ADGRE1: variants seen among roughly 807,000 people sequenced by gnomAD.
ADGRE1 encodes adhesion G protein-coupled receptor E1.
A neutral mutation model predicts 102.7 loss-of-function variants in ADGRE1; 82 were observed. That is an observed-to-expected ratio of 0.80 (90% confidence interval 0.67 to 0.96). The LOEUF is 0.96. Ranked by LOEUF, ADGRE1 falls within the 40% of genes least tolerant of loss-of-function variation. The probability of loss-of-function intolerance (pLI) is 0.00; values close to 1 mark genes in which losing one functional copy is unlikely to be tolerated. For missense variants in ADGRE1, 1,032 were observed against 1,085.3 expected (o/e 0.95, Z 0.69); for synonymous variants, 398 against 399.6 (o/e 1.00, Z 0.05).
At position 6,906,436 on chromosome 19, in the gene ADGRE1, TTC is replaced by T; in HGVS notation, c.957_958del (p.Phe320GlnfsTer3). ...GTTGCTGTTGTTTTCTTCCTAGGGG[TTC>T]TCTTCAAATGTAAGGAAGATGTGAT... On this transcript the variant is annotated frameshift_variant, in exon 9 of 21. Coordinates refer to ENST00000312053, the MANE Select transcript of ADGRE1 (RefSeq NM_001974.5). LOFTEE classifies it high-confidence loss of function. 1 of 1,611,736 alleles carries T rather than the reference TTC, an allele frequency of 6.2e-7. No individual in the cohort carries two copies. Among genetic ancestry groups the T allele is most frequent in the Non-Finnish European group, 8.5e-7 (1 of 1,178,482 alleles).
intron 1 of ADGRE1, among the ~76,000 whole-genome samples, chr19:6,888,054 T>TAAATAATA (rs1334854046): frequency 8.5e-5 from 13 of 152,198 alleles, no homozygotes; most frequent in Admixed American, 2.0e-4. Context: ...ACAACATTTC[T>TAAATAATA]ATGACATTGG....
rs773145011 is a variant in ADGRE1, at chr19:6,937,540, C to T, written c.2551-4C>T. 1.4e-5 allele frequency: 22 copies of T among 1,612,472 alleles called. No homozygotes were observed. In the African/African-American group the frequency reaches 2.9e-4, roughly 22 times the overall value. ...GCATCTGGATGATGTGTCTCCTTCT[C>T]CAGGTACGAGAAGAATACAAGAGGT... On this transcript the variant is annotated splice_polypyrimidine_tract_variant and splice_region_variant and intron_variant, in intron 19 of 20. Transcript: ENST00000312053.
rs2145043116 is a variant in ADGRE1, at chr19:6,937,560, A to G, written c.2567A>G (p.Lys856Arg). 1 of 1,614,050 alleles carries G rather than the reference A, an allele frequency of 6.2e-7. No homozygotes were observed. The highest frequency in any genetic ancestry group is 1.1e-5 in the South Asian group (1 of 91,066). The change falls in exon 20 of 21, where the codon AAG becomes AGG. Residue 856 changes from lysine to arginine, a missense_variant. By Grantham distance (26) the Lys-to-Arg change is conservative. Transcript: ENST00000312053. ...LLNGQVREEY[K>R]RWITGKTKPS... Reference sequence around the variant, plus strand: ...CTTCTCCAGGTACGAGAAGAATACAAGAGGTGGATCACTGGGAAGACGAAG... The same window carrying G: ...CTTCTCCAGGTACGAGAAGAATACAGGAGGTGGATCACTGGGAAGACGAAG...
Position 6,901,865 on chromosome 19 carries a change from C to T in ADGRE1, c.515-10C>T, listed in dbSNP as rs1414592815. 6.2e-7 allele frequency: 1 copy of T among 1,613,316 alleles called. No homozygotes were observed. The highest frequency in any genetic ancestry group is 2.2e-5 in the East Asian group (1 of 44,870). On this transcript the variant is annotated splice_polypyrimidine_tract_variant and intron_variant, in intron 5 of 20. Transcript: ENST00000312053. Reference sequence around the variant, plus strand: ...TTACCTTGACCTGGGTTTTCTCTTCCACTCTTCAGACGTGGATGAATGTGC... The same window carrying T: ...TTACCTTGACCTGGGTTTTCTCTTCTACTCTTCAGACGTGGATGAATGTGC...
At chr19:6,899,898 C>G (rs1259717732) in intron 5 of ADGRE1, among the ~76,000 whole-genome samples, 3 of 151,678 alleles carry the variant, frequency 2.0e-5, no homozygotes, top group African/African-American at 7.3e-5. Context: ...GGAGACCATC[C>G]TGGCTAACAA....
rs1215915741 is a variant in ADGRE1, at chr19:6,924,721, T to C, written c.1835T>C (p.Ile612Thr). 6.2e-7 allele frequency: 1 copy of C among 1,614,074 alleles called. No individual in the cohort carries two copies. The highest frequency in any genetic ancestry group is 8.5e-7 in the Non-Finnish European group (1 of 1,180,036). Residue 612 changes from isoleucine (I) to threonine (T), a missense_variant, in exon 15 of 21, where the codon ATC (isoleucine) becomes ACC (threonine). Ile to Thr is a moderately conservative substitution (Grantham distance 89). Coordinates refer to ENST00000312053, the MANE Select transcript of ADGRE1 (RefSeq NM_001974.5). ...LYIISHVGIIISLVCLVLAIA... is the reference protein window; with the variant it reads ...LYIISHVGIITSLVCLVLAIA... ...ATCATTAGCCATGTAGGCATTATCA[T>C]CTCCTTGGTGTGCCTCGTCTTGGCC...
In ADGRE1 at chr19:6,906,840, T is replaced by TATGACCCAGCACA. The variant is rs560490543; in HGVS notation, c.1038+331_1038+332insAATGACCCAGCAC. On this transcript the variant is annotated intron_variant, in intron 9 of 20. Coordinates refer to ENST00000312053, the MANE Select transcript of ADGRE1 (RefSeq NM_001974.5). ...AAAGTACGGTCCTTCTCTTTAAGCG[T>TATGACCCAGCACA]ATGACCCAGCACCACTTCTGCTTGC... is the stretch of plus-strand genomic sequence containing the variant. 2.6e-3 allele frequency among the ~76,000 whole-genome samples: 399 copies of TATGACCCAGCACA among 152,234 alleles called. 1 individual carries two copies. Among genetic ancestry groups the TATGACCCAGCACA allele is most frequent in the East Asian group, 4.8e-3 (25 of 5,166 alleles).
intron 2 of ADGRE1, 120 bp downstream of exon 2, chr19:6,890,663 G>T (rs1973335534): frequency 1.9e-6 from 2 of 1,030,206 alleles, no homozygotes; most frequent in Non-Finnish European, 2.9e-6. Context: ...TAGCGGCAGA[G>T]CAAGGGTTAA....
intron 11 of ADGRE1, among the ~76,000 whole-genome samples, chr19:6,915,926 A>AC (rs1668444629): frequency 1.1e-5 from 1 of 88,522 alleles, no homozygotes; most frequent in African/African-American, 4.2e-5. Context: ...GTCTCAAAAA[A>AC]AAAAAAAAAA....
rs926555288 is a variant in ADGRE1, at chr19:6,909,858, C to T, written c.1122+1086C>T. 4.6e-5 allele frequency among the ~76,000 whole-genome samples: 7 copies of T among 152,228 alleles called. No individual in the cohort carries two copies. In the East Asian group the frequency reaches 1.2e-3, roughly 25 times the overall value. On this transcript the variant is annotated intron_variant, in intron 10 of 20. Coordinates refer to ENST00000312053, the MANE Select transcript of ADGRE1 (RefSeq NM_001974.5). Reference sequence around the variant, plus strand: ...CAAGCGATTCTCCTGCCTCAGCCTCCCGAGTAGTTGGGATTACAGGCATGC... The same window carrying T: ...CAAGCGATTCTCCTGCCTCAGCCTCTCGAGTAGTTGGGATTACAGGCATGC...
At position 6,926,452 on chromosome 19, in the gene ADGRE1, C is replaced by A. The variant is rs566135953; in HGVS notation, c.2073C>A (p.Phe691Leu). Residue 691 changes from phenylalanine to leucine, a missense_variant, in exon 16 of 21, where the codon TTC becomes TTA. Physicochemically the swap from Phe to Leu is conservative, Grantham distance 22. Transcript: ENST00000312053. ...FWMLVEAVIL[F>L]LMVRNLKVVN... The stretch of plus-strand genomic sequence containing the variant: ...TGCTGGTGGAGGCTGTGATACTGTT[C>A]TTGATGGTCAGAAACCTGAAGGTGG... The A allele has an allele frequency of 6.2e-7, 1 of 1,614,228 alleles. No homozygotes were observed. Among genetic ancestry groups the A allele is most frequent in the African/African-American group, 1.3e-5 (1 of 75,068 alleles).
intron 15 of ADGRE1, 101 bp downstream of exon 15, chr19:6,924,973 G>T: frequency 7.8e-7 from 1 of 1,283,716 alleles, no homozygotes. Context: ...CCTACCTCAG[G>T]GCCTTTGCAT....
intron 11 of ADGRE1, among the ~76,000 whole-genome samples, chr19:6,915,020 T>TA (rs397763401): frequency 6.6e-6 from 1 of 151,404 alleles, no homozygotes; most frequent in African/African-American, 2.4e-5. Flanking sequence ...GTTTTTTTTT[T>TA]CTTGAGACAG....
intron 20 of ADGRE1, among the ~76,000 whole-genome samples, chr19:6,938,519 A>T (rs1568368716): frequency 1.3e-5 from 2 of 152,054 alleles, no homozygotes; most frequent in Non-Finnish European, 2.9e-5. Flanking sequence ...TCAACAATGT[A>T]TTCCACGCCC....
chr19:6,939,425 G>A (rs1300470416), intron 20 of ADGRE1, among the ~76,000 whole-genome samples: 1 of 152,184 alleles, frequency 6.6e-6, no homozygotes, highest in Non-Finnish European at 1.5e-5. Context: ...GATTTTCCTT[G>A]CAAGAAGTCC....
At chr19:6,938,535 A>G (rs1975532379) in intron 20 of ADGRE1, among the ~76,000 whole-genome samples, 1 of 152,048 alleles carries the variant, frequency 6.6e-6, no homozygotes, top group Non-Finnish European at 1.5e-5. Flanking sequence ...CGCCCCTAAA[A>G]TGCTGTCTAG....
chr19:6,889,754 A>G (rs1002179185), intron 1 of ADGRE1, among the ~76,000 whole-genome samples: 3 of 151,484 alleles, frequency 2.0e-5, no homozygotes, highest in African/African-American at 7.3e-5. Flanking sequence ...AAATGTTAAT[A>G]CTACAGATAT....
At chr19:6,897,745 C>T in intron 5 of ADGRE1, 198 bp downstream of exon 5, 1 of 437,094 alleles carries the variant, frequency 2.3e-6, no homozygotes, top group Non-Finnish European at 3.7e-6. Context: ...CTAGGTAGGT[C>T]TCTTGTAGCC....
intron 12 of ADGRE1, among the ~76,000 whole-genome samples, chr19:6,917,790 T>C (rs16993965): frequency 0.069 from 10,410 of 151,804 alleles, 1,133 homozygotes; most frequent in African/African-American, 0.23. Flanking sequence ...TTTATTACAT[T>C]TGGACTTTCT....
Sources: gnomAD v4.1 joint callset for allele counts (sites outside exome capture counted in the v4.1 genomes callset) on GRCh38, gnomAD v4.1.1 for gene constraint, MANE v1.5 for transcripts, NCBI Gene and HGNC (gene_info 2026-07-23, HGNC 2026-07-21) for gene names.